Variants in TWF2 observed in about 807,000 individuals in gnomAD.
TWF2 encodes the protein twinfilin-2.
TWF2 carries 15 observed loss-of-function variants against 45.1 expected under a neutral mutation model. The ratio of observed to expected loss-of-function variants is 0.33; its 90% CI spans 0.22 to 0.51. The LOEUF (loss-of-function observed/expected upper bound fraction) is 0.51, where lower values mean the gene tolerates loss of function less well. Among genes scored for constraint, TWF2 ranks in the 20% least tolerant of loss-of-function variants. TWF2 has a pLI of 0.97. For missense variants in TWF2, 423 were observed against 469.1 expected (o/e 0.90, Z 0.91); for synonymous variants, 177 against 195.8 (o/e 0.90, Z 0.80).
chr3:52,229,398 G>C (rs373476458), intron 8 of TWF2, among the ~76,000 whole-genome samples, 197 bp from the exon 9 acceptor site: 1 of 152,178 alleles, frequency 6.6e-6, no homozygotes, highest in East Asian at 1.9e-4. Flanking sequence ...GCATGCCTTG[G>C]ACTCTGCTCG....
At chr3:52,234,287 C>T (rs1053741812) in intron 2 of TWF2, among the ~76,000 whole-genome samples, 6 of 152,158 alleles carry the variant, frequency 3.9e-5, no homozygotes, top group Non-Finnish European at 8.8e-5. Flanking sequence ...CTGGCCCACC[C>T]CAGTCCCAAA....
intron 5 of TWF2, 45 bp downstream of exon 5, chr3:52,231,082 T>TA (rs927054417): frequency 1.2e-6 from 2 of 1,613,000 alleles, no homozygotes; most frequent in African/African-American, 2.7e-5. Context: ...ACTGGGCCGA[T>TA]ATGACCCTGA....
At chr3:52,236,558 C>G (rs1262080262) in intron 1 of TWF2, among the ~76,000 whole-genome samples, 1 of 152,140 alleles carries the variant, frequency 6.6e-6, no homozygotes, top group African/African-American at 2.4e-5. Context: ...GGAATTCCGT[C>G]AGGAACACAG....
At position 52,238,996 on chromosome 3, in the gene TWF2, G is replaced by A; in HGVS notation, c.21C>T (p.Ile7=). 2.5e-6 allele frequency: 4 copies of A among 1,595,974 alleles called. No individual in the cohort carries two copies. The highest frequency in any genetic ancestry group is 3.4e-6 in the Non-Finnish European group (4 of 1,178,466). Residue 7 remains isoleucine (I), a synonymous_variant, in exon 1 of 9, where the codon ATC becomes ATT. Transcript: ENST00000305533. MAHQTG[I]HATEELKEFF... Reference sequence around the variant, plus strand: ...CCGCCCGCCATCCGCCCTCACCGTGGATGCCCGTTTGGTGCGCCATGGCTC... The same window carrying A: ...CCGCCCGCCATCCGCCCTCACCGTGAATGCCCGTTTGGTGCGCCATGGCTC...
chr3:52,237,464 C>T (rs1191695145), intron 1 of TWF2, among the ~76,000 whole-genome samples: 1 of 152,220 alleles, frequency 6.6e-6, no homozygotes, highest in African/African-American at 2.4e-5. Context: ...AAGAAGTGGG[C>T]TGCTCACAGG....
chr3:52,231,250 A>G lies in TWF2; in HGVS notation c.379-19T>C. 2 of 1,613,564 alleles carry G rather than the reference A, an allele frequency of 1.2e-6. No homozygotes were observed. The highest frequency in any genetic ancestry group is 1.7e-6 in the Non-Finnish European group (2 of 1,179,582). On this transcript the variant is annotated intron_variant, in intron 4 of 8. Coordinates refer to ENST00000305533, the MANE Select transcript of TWF2 (RefSeq NM_007284.4). ...GGTCATCCTGCAGGGGTGGGGGTGA[A>G]TGCAGAGCCATAAATGGGCACCTGG...
intron 2 of TWF2, 158 bp from the exon 3 acceptor site, chr3:52,232,280 G>T (rs988961372): frequency 1.3e-5 from 13 of 964,428 alleles, no homozygotes; most frequent in African/African-American, 1.3e-4. Flanking sequence ...AGGCTGTGTG[G>T]CTGAATGAGT....
intron 8 of TWF2, 28 bp downstream of exon 8, chr3:52,229,633 G>T: frequency 1.2e-6 from 2 of 1,611,870 alleles, no homozygotes; most frequent in South Asian, 1.1e-5. Context: ...AGGGCCTGGG[G>T]AGGTGAGGCC....
intron 1 of TWF2, among the ~76,000 whole-genome samples, chr3:52,235,737 C>T (rs999991119): frequency 6.6e-6 from 1 of 152,216 alleles, no homozygotes; most frequent in African/African-American, 2.4e-5. Context: ...CTAACACGCA[C>T]ACAGGCAGGC....
intron 3 of TWF2, 22 bp from the exon 4 acceptor site, chr3:52,231,561 G>GT: frequency 6.2e-7 from 1 of 1,605,256 alleles, no homozygotes; most frequent in South Asian, 1.1e-5. Context: ...GGGCCAAACC[G>GT]TAAGAGGCCT....
Position 52,228,807 on chromosome 3 carries a change from G to A in TWF2, c.*227C>T. ...GACCCAGCCCCCTTAAGCCAGCCAG[G>A]CAGGGTCCCCGGACACCCTGGGCAC... On this transcript the variant is annotated 3_prime_UTR_variant, in exon 9 of 9. Coordinates refer to ENST00000305533, the MANE Select transcript of TWF2 (RefSeq NM_007284.4). 3 of 660,950 alleles carry A rather than the reference G, an allele frequency of 4.5e-6. No homozygotes were observed. Among genetic ancestry groups the A allele is most frequent in the Non-Finnish European group, 7.3e-6 (3 of 409,152 alleles). 40.9% of individuals were successfully genotyped at this position (660,950 alleles called of 1,614,324 possible). A position where few individuals can be genotyped will look rare whatever the true frequency, so the allele number is the denominator to read the frequency against.
Position 52,231,622 on chromosome 3 carries a change from G to A in TWF2, c.283-83C>T, listed in dbSNP as rs192874103. ...CAGACAGGTGCCTCTGGAGGAACTC[G>A]GTGGGCTCACTGCGCTGGCACACCT... On this transcript the variant is annotated intron_variant, in intron 3 of 8. Transcript: ENST00000305533. 3,846 of 1,450,992 alleles carry A rather than the reference G, an allele frequency of 2.7e-3. 159 individuals are homozygous for A. The Admixed American group carries it at 0.072, about 27-fold the overall frequency. 89.9% of individuals were successfully genotyped at this position (1,450,992 alleles called of 1,614,324 possible).
chr3:52,229,160 G>A lies in TWF2; in HGVS notation c.924C>T (p.Leu308=). The A allele has an allele frequency of 6.2e-7, 1 of 1,613,070 alleles. No individual in the cohort carries two copies. The highest frequency in any genetic ancestry group is 8.5e-7 in the Non-Finnish European group (1 of 1,180,006). ...GDGAELTAEF[L]YDEVHPKQHA... ...GTTGCTTGGGGTGCACCTCGTCGTAGAGGAACTCTGCCGTCAGCTCTGCCC... is the reference window on the plus strand; with the variant it reads ...GTTGCTTGGGGTGCACCTCGTCGTAAAGGAACTCTGCCGTCAGCTCTGCCC... The change falls in exon 9 of 9, where the codon CTC becomes CTT. Residue 308 remains leucine, a synonymous_variant. Transcript: ENST00000305533.
At chr3:52,238,942 T>C in intron 1 of TWF2, 50 bp downstream of exon 1, 7 of 1,548,386 alleles carry the variant, frequency 4.5e-6, no homozygotes, top group South Asian at 1.1e-5. Context: ...GGGGGGGCGC[T>C]TCCGAGAGCC....
intron 3 of TWF2, 88 bp from the exon 4 acceptor site, chr3:52,231,627 G>A (rs1195444238): frequency 5.7e-6 from 8 of 1,408,520 alleles, no homozygotes; most frequent in African/African-American, 1.4e-5. Context: ...AACTCGGTGG[G>A]CTCACTGCGC....
Position 52,229,669 on chromosome 3 carries a change from C to G in TWF2, c.874G>C (p.Ala292Pro). 3.7e-6 allele frequency: 6 copies of G among 1,613,342 alleles called. No homozygotes were observed. The South Asian group carries it at 6.6e-5, about 18-fold the overall frequency. The change falls in exon 8 of 9, where the codon GCC becomes CCC. Residue 292 changes from alanine (A) to proline (P), a missense_variant. By Grantham distance (27) the Ala-to-Pro change is conservative. Transcript: ENST00000305533. ...SVEQDFHLEI[A>P]KKIEIGDGAE... ...CTGGGGAGGGCGCCTACTTTCTTGG[C>G]GATCTCCAGATGGAAGTCCTGCTCC... is the stretch of plus-strand genomic sequence containing the variant.
rs975618192 is a variant in TWF2, at chr3:52,231,952, T to C, written c.274A>G (p.Asn92Asp). ...EWLFLAWSPD[N>D]SPVRLKMLYA... ...ACTGGCCCAGGACTCACGGGGGAGTTATCAGGCGACCAGGCGAGGAAGAGC... is the reference window on the plus strand; with the variant it reads ...ACTGGCCCAGGACTCACGGGGGAGTCATCAGGCGACCAGGCGAGGAAGAGC... The change falls in exon 3 of 9, where the codon AAC becomes GAC. Residue 92 changes from asparagine (N) to aspartate (D), a missense_variant. Transcript: ENST00000305533. 1.2e-6 allele frequency: 2 copies of C among 1,612,754 alleles called. No individual in the cohort carries two copies. The highest frequency in any genetic ancestry group is 1.3e-5 in the African/African-American group (1 of 74,990).
intron 2 of TWF2, among the ~76,000 whole-genome samples, chr3:52,234,052 A>G (rs1189449502): frequency 6.6e-6 from 1 of 151,980 alleles, no homozygotes; most frequent in Non-Finnish European, 1.5e-5. Context: ...GGAAGCCATC[A>G]CTAATATTCT....
chr3:52,236,225 C>T (rs1463982852), intron 1 of TWF2, among the ~76,000 whole-genome samples: 4 of 149,918 alleles, frequency 2.7e-5, no homozygotes, highest in Non-Finnish European at 4.4e-5. Context: ...CGCTTGAACC[C>T]GGGAGGCGGA....
Sources: allele counts gnomAD v4.1 joint callset (sites outside exome capture counted in the v4.1 genomes callset), GRCh38; gene constraint gnomAD v4.1.1; transcripts MANE v1.5; gene names NCBI Gene and HGNC (gene_info 2026-07-23, HGNC 2026-07-21).